Variants in HIVEP2 observed in about 807,000 individuals in gnomAD.
HIVEP2 encodes the protein HIVEP zinc finger 2, also known as transcription factor HIVEP2.
HIVEP2 carries 14 observed loss-of-function variants against 180.7 expected under a neutral mutation model. The observed-to-expected ratio is 0.08, with a 90% CI of 0.05 to 0.12. The LOEUF (loss-of-function observed/expected upper bound fraction) is 0.12. Among genes scored for constraint, HIVEP2 ranks in the 10% least tolerant of loss-of-function variants. The pLI is 1.00. For missense variants in HIVEP2, 2,579 were observed against 3,008.5 expected (o/e 0.86, Z 3.34); for synonymous variants, 1,184 against 1,136.4 (o/e 1.04, Z -0.84).
Position 142,770,192 on chromosome 6 carries a change from G to C in HIVEP2, c.4547C>G (p.Ser1516Cys), listed in dbSNP as rs765680413. 2.7e-5 allele frequency: 43 copies of C among 1,614,096 alleles called. No individual in the cohort carries two copies. The highest frequency in any genetic ancestry group is 1.3e-5 in the Non-Finnish European group (15 of 1,180,050). The change falls in exon 5 of 10, where the codon TCC becomes TGC. Residue 1516 changes from serine (S) to cysteine (C), a missense_variant. Around this residue, in one of 11 missense-constraint regions of HIVEP2, gnomAD observed 349 missense variants for 367.2 expected, o/e 0.95. Coordinates refer to ENST00000367603, the MANE Select transcript of HIVEP2 (RefSeq NM_006734.4). This position sits in a 1 kb window ranked among gnomAD's most constrained non-coding sequence, Gnocchi z 4.7. ...DGLQSGSSSF[S>C]SLSPSSSQDY... ...TTGAGATGAGGAGGGCGACAGCGAG[G>C]AGAAGGAAGATGACCCTGACTGCAA...
chr6:142,913,680 C>G (rs1214085079), intron 1 of HIVEP2, among the ~76,000 whole-genome samples: 1 of 152,196 alleles, frequency 6.6e-6, no homozygotes, highest in South Asian at 2.1e-4. Context: ...AGAGCACAGT[C>G]GACTGCAGGG....
chr6:142,867,236 A>G (rs548073368), intron 1 of HIVEP2, among the ~76,000 whole-genome samples: 29 of 152,280 alleles, frequency 1.9e-4, no homozygotes, highest in South Asian at 6.2e-4. Context: ...CATGCTATTA[A>G]GTATCAAGTT....
At chr6:142,879,617 GA>G (rs1485214687) in intron 1 of HIVEP2, among the ~76,000 whole-genome samples, 1 of 151,934 alleles carries the variant, frequency 6.6e-6, no homozygotes, top group Non-Finnish European at 1.5e-5. Flanking sequence ...ACAGCTGCTG[GA>G]GTGGCTCTTT....
In HIVEP2 at chr6:142,793,673, TTCTCTCTC is replaced by T. The variant is rs71546219; in HGVS notation, c.-527-10066_-527-10059del. ...CTTTCTTTCTTTTTTCTTTCTTTCT[TTCTCTCTC>T]TCTCTCTCTCTCTCTCTGTCTGTCT... On this transcript the variant is annotated intron_variant, in intron 2 of 9. Coordinates refer to ENST00000367603, the MANE Select transcript of HIVEP2 (RefSeq NM_006734.4). Among the ~76,000 whole-genome samples, 420 of 107,504 alleles carry T rather than the reference TTCTCTCTC, an allele frequency of 3.9e-3. 12 individuals carry two copies. Among genetic ancestry groups the T allele is most frequent in the African/African-American group, 7.7e-3 (210 of 27,102 alleles). 70.5% of individuals were successfully genotyped at this position (107,504 alleles called of 152,430 possible).
Position 142,772,791 on chromosome 6 carries a change from C to T in HIVEP2, c.1948G>A (p.Asp650Asn), listed in dbSNP as rs767656641. The stretch of plus-strand genomic sequence containing the variant: ...TAGTTTTGCTTTGGTGTTTCAGAGT[C>T]CTCCCACTTCTTATAGGGTTTCCGA... ...VCRKPYKKWE[D>N]SETPKQNYRD... Residue 650 changes from aspartate (D) to asparagine (N), a missense_variant, in exon 5 of 10, where the codon GAC (aspartate) becomes AAC (asparagine). Asp to Asn is a conservative substitution (Grantham distance 23). Transcript: ENST00000367603. This position sits in a 1 kb window ranked among gnomAD's most constrained non-coding sequence, Gnocchi z 4.9. 1 of 1,614,184 alleles carries T rather than the reference C, an allele frequency of 6.2e-7. No individual in the cohort carries two copies. Among genetic ancestry groups the T allele is most frequent in the Non-Finnish European group, 8.5e-7 (1 of 1,180,030 alleles).
At chr6:142,758,023 T>C (rs1775121672) in intron 9 of HIVEP2, among the ~76,000 whole-genome samples, 1 of 146,382 alleles carries the variant, frequency 6.8e-6, no homozygotes. Context: ...GAGAGGCTCA[T>C]CTAACACACT....
intron 1 of HIVEP2, among the ~76,000 whole-genome samples, chr6:142,884,612 C>T (rs1019358863): frequency 6.6e-6 from 1 of 151,902 alleles, no homozygotes; most frequent in Non-Finnish European, 1.5e-5. Context: ...TCAAGAATTA[C>T]TTTTGCAAAC....
intron 2 of HIVEP2, among the ~76,000 whole-genome samples, chr6:142,825,910 A>T (rs1372059025): frequency 2.0e-5 from 3 of 152,112 alleles, no homozygotes; most frequent in Non-Finnish European, 4.4e-5. Context: ...ACATATGCAC[A>T]TAAAAAGGGC....
intron 2 of HIVEP2, among the ~76,000 whole-genome samples, chr6:142,817,304 AC>A (rs1201575543): frequency 4.6e-5 from 7 of 152,206 alleles, no homozygotes; most frequent in Non-Finnish European, 1.0e-4. Context: ...GCTAGAAAAA[AC>A]ACACTTTCAG....
chr6:142,889,451 C>G (rs1451780417), intron 1 of HIVEP2, among the ~76,000 whole-genome samples: 1 of 152,138 alleles, frequency 6.6e-6, no homozygotes, highest in Non-Finnish European at 1.5e-5. Context: ...GAGCAAGTCC[C>G]TGTCTCAAAA....
intron 2 of HIVEP2, among the ~76,000 whole-genome samples, chr6:142,785,894 TAAAGAA>T (rs1775987378): frequency 6.6e-6 from 1 of 152,204 alleles, no homozygotes; most frequent in Non-Finnish European, 1.5e-5. Context: ...ATCCTTACCT[TAAAGAA>T]AGTTCCAGAT....
At chr6:142,787,227 T>C (rs927477188) in intron 2 of HIVEP2, among the ~76,000 whole-genome samples, 2 of 150,498 alleles carry the variant, frequency 1.3e-5, no homozygotes, top group African/African-American at 2.4e-5. Flanking sequence ...GTCTGGGGGA[T>C]AGAGTGAGAC....
intron 2 of HIVEP2, among the ~76,000 whole-genome samples, chr6:142,798,710 G>T (rs188005533): frequency 6.6e-6 from 1 of 152,138 alleles, no homozygotes; most frequent in South Asian, 2.1e-4. Flanking sequence ...ATAGTCTTTC[G>T]AGTGAAGACA....
At chr6:142,929,052 T>G (rs569573164) in intron 1 of HIVEP2, among the ~76,000 whole-genome samples, 5 of 152,370 alleles carry the variant, frequency 3.3e-5, no homozygotes, top group African/African-American at 1.2e-4. Flanking sequence ...CAACTTTTTT[T>G]GGGGTGTCTT....
rs1473239541 is a variant in HIVEP2 at position 142,759,802 on chromosome 6, C to T, written c.6486G>A (p.Leu2162=). The part of the protein sequence containing the change: ...HNPPLSMGQY[L]QAEPIVLGPP... ...GCCCCAATACAATTGGCTCTGCTTG[C>T]AAATACTGTCCCATGGACAATGGTG... The change falls in exon 9 of 10, where the codon TTG becomes TTA. Residue 2162 remains leucine, a synonymous_variant. Transcript: ENST00000367603. 5.0e-6 allele frequency: 8 copies of T among 1,607,762 alleles called. No individual in the cohort carries two copies. Among genetic ancestry groups the T allele is most frequent in the Non-Finnish European group, 5.9e-6 (7 of 1,178,056 alleles).
At chr6:142,911,139 TAAAA>T (rs5880554) in intron 1 of HIVEP2, among the ~76,000 whole-genome samples, 2 of 106,230 alleles carry the variant, frequency 1.9e-5, no homozygotes, top group African/African-American at 3.9e-5. Flanking sequence ...ACAAACACAT[TAAAA>T]AAAAAAAAAA....
Position 142,751,726 on chromosome 6 carries a change from C to A in HIVEP2, c.*1381G>T, listed in dbSNP as rs1190025837. 1 of 152,706 alleles carries A rather than the reference C, an allele frequency of 6.5e-6. No individual in the cohort carries two copies. Among genetic ancestry groups the A allele is most frequent in the Non-Finnish European group, 1.5e-5 (1 of 68,080 alleles). 9.5% of individuals were successfully genotyped at this position (152,706 alleles called of 1,614,324 possible). On this transcript the variant is annotated 3_prime_UTR_variant, in exon 10 of 10. Coordinates refer to ENST00000367603, the MANE Select transcript of HIVEP2 (RefSeq NM_006734.4). ...CATTGTGAGTATTACATACAACAGACATCCTCCCACGAGTTCTTTGCCCTT... is the reference window on the plus strand; with the variant it reads ...CATTGTGAGTATTACATACAACAGAAATCCTCCCACGAGTTCTTTGCCCTT...
chr6:142,834,684 TAACTTTTCAAA>T (rs1278486788), intron 2 of HIVEP2, among the ~76,000 whole-genome samples: 2 of 152,290 alleles, frequency 1.3e-5, no homozygotes, highest in East Asian at 3.9e-4. Flanking sequence ...TTGTATGTAC[TAACTTTTCAAA>T]AAGTACCATA....
chr6:142,863,968 C>T (rs1776070744), intron 1 of HIVEP2, among the ~76,000 whole-genome samples: 1 of 152,122 alleles, frequency 6.6e-6, no homozygotes, highest in African/African-American at 2.4e-5. Flanking sequence ...AATGTTTATA[C>T]TGCTGTAAAC....
Sources: allele counts gnomAD v4.1 joint callset (sites outside exome capture counted in the v4.1 genomes callset), GRCh38; gene constraint gnomAD v4.1.1; regional missense constraint gnomAD v4.1.1; non-coding constraint Gnocchi (gnomAD v3.1); transcripts MANE v1.5; gene names NCBI Gene and HGNC (gene_info 2026-07-23, HGNC 2026-07-21).